Variants in SPATS2 observed in about 807,000 individuals in gnomAD.
The protein encoded by SPATS2 is spermatogenesis associated serine rich 2.
Under a neutral mutation model 63.7 loss-of-function variants are expected in SPATS2, and 38 were observed. That is an observed-to-expected ratio of 0.60 (90% CI 0.46 to 0.78). The LOEUF (loss-of-function observed/expected upper bound fraction) is 0.78, where lower values mean the gene tolerates loss of function less well. Among genes scored for constraint, SPATS2 ranks in the 30% least tolerant of loss-of-function variants. SPATS2 has a pLI of 0.00. For missense variants in SPATS2, 588 were observed against 666.2 expected (o/e 0.88, Z 1.29); for synonymous variants, 207 against 232.9 (o/e 0.89, Z 1.01).
intron 9 of SPATS2, among the ~76,000 whole-genome samples, chr12:49,509,802 G>GC (rs1417800216): frequency 1.5e-5 from 2 of 137,290 alleles, no homozygotes; most frequent in South Asian, 4.6e-4. Flanking sequence ...GGGCAACAGA[G>GC]CAAGTCTCAA....
chr12:49,469,542 TAAAAAAAAAAAA>T (rs748722366), intron 3 of SPATS2: 3 of 319,704 alleles, frequency 9.4e-6, no homozygotes, highest in Admixed American at 4.3e-5. Flanking sequence ...GCTGGGTCTC[TAAAAAAAAAAAA>T]AAAAAAAAAA....
intron 3 of SPATS2, chr12:49,462,689 G>A: frequency 1.8e-6 from 1 of 561,530 alleles, no homozygotes. Flanking sequence ...AGGAAGGGGA[G>A]CTGAAAAGGG....
intron 3 of SPATS2, among the ~76,000 whole-genome samples, chr12:49,481,818 C>T (rs957280041): frequency 6.6e-6 from 1 of 151,902 alleles, no homozygotes; most frequent in Non-Finnish European, 1.5e-5. Context: ...TTTACCTGAA[C>T]ACCCAGGATT....
At chr12:49,423,276 G>A (rs971828654) in intron 2 of SPATS2, among the ~76,000 whole-genome samples, 2 of 151,902 alleles carry the variant, frequency 1.3e-5, no homozygotes, top group African/African-American at 4.8e-5. Context: ...AGGACTACAG[G>A]CACGCACCAC....
At chr12:49,412,429 T>C (rs1014609208) in intron 2 of SPATS2, among the ~76,000 whole-genome samples, 1 of 152,074 alleles carries the variant, frequency 6.6e-6, no homozygotes, top group Non-Finnish European at 1.5e-5. Context: ...TCCTGACTCC[T>C]GACCTCGGGT....
chr12:49,383,274 C>T (rs568502024), intron 2 of SPATS2, among the ~76,000 whole-genome samples: 1 of 152,166 alleles, frequency 6.6e-6, no homozygotes, highest in Non-Finnish European at 1.5e-5. Context: ...CTGCCTCGGC[C>T]TCTCAAAGTG....
intron 2 of SPATS2, among the ~76,000 whole-genome samples, chr12:49,428,087 C>T (rs12815202): frequency 1.3e-5 from 2 of 152,006 alleles, no homozygotes; most frequent in African/African-American, 4.8e-5. Flanking sequence ...AACCCCGTCT[C>T]TACTAAAAAT....
intron 2 of SPATS2, among the ~76,000 whole-genome samples, chr12:49,404,615 A>G (rs1375689737): frequency 6.6e-6 from 1 of 152,164 alleles, no homozygotes; most frequent in Non-Finnish European, 1.5e-5. Flanking sequence ...TTGAAAGATG[A>G]GCAGAAATTA....
chr12:49,521,437 C>G (rs1946939734), intron 11 of SPATS2, among the ~76,000 whole-genome samples: 1 of 152,006 alleles, frequency 6.6e-6, no homozygotes, highest in African/African-American at 2.4e-5. Flanking sequence ...TTAACTAAAA[C>G]TATATGATTA....
intron 2 of SPATS2, among the ~76,000 whole-genome samples, chr12:49,406,170 A>C (rs1236667386): frequency 6.6e-6 from 1 of 152,194 alleles, no homozygotes; most frequent in African/African-American, 2.4e-5. Flanking sequence ...AGGCTGAGGC[A>C]GGAGGATAGC....
At chr12:49,438,428 T>C (rs1469559786) in intron 2 of SPATS2, among the ~76,000 whole-genome samples, 2 of 152,240 alleles carry the variant, frequency 1.3e-5, no homozygotes, top group African/African-American at 2.4e-5. Flanking sequence ...TATGTACTTA[T>C]TTCTTTTGGG....
rs1476326766 is a variant in SPATS2 at position 49,433,741 on chromosome 12, A to G, written c.-243-27029A>G. On this transcript the variant is annotated intron_variant, in intron 2 of 13. Transcript: ENST00000552918. ...ACTTGCAAGTATTTTCTGCCATTTC[A>G]TTGGTTGCCTTTTTACTTCATTGAT... Among the ~76,000 whole-genome samples, 8 of 152,156 alleles carry G rather than the reference A, an allele frequency of 5.3e-5. No homozygotes were observed. The South Asian group carries it at 1.0e-3, about 20-fold the overall frequency.
intron 3 of SPATS2, among the ~76,000 whole-genome samples, chr12:49,465,553 A>T (rs1945897679): frequency 6.6e-6 from 1 of 152,170 alleles, no homozygotes; most frequent in Non-Finnish European, 1.5e-5. Flanking sequence ...GAGTCTTATT[A>T]TCGAATTCTA....
chr12:49,437,740 A>G (rs1159724935), intron 2 of SPATS2, among the ~76,000 whole-genome samples: 1 of 151,806 alleles, frequency 6.6e-6, no homozygotes, highest in Non-Finnish European at 1.5e-5. Context: ...GAGGCAGGAG[A>G]ATCAGGCAGG....
intron 9 of SPATS2, among the ~76,000 whole-genome samples, chr12:49,503,366 A>AG (rs1307470596): frequency 9.6e-5 from 14 of 145,338 alleles, no homozygotes; most frequent in Non-Finnish European, 1.1e-4. Flanking sequence ...CAAAGAAAAA[A>AG]GAGCTGGGCG....
chr12:49,461,325 G>T (rs1430324188), intron 3 of SPATS2: 2 of 316,612 alleles, frequency 6.3e-6, no homozygotes, highest in Non-Finnish European at 1.1e-5. Flanking sequence ...CTAGCTTGCT[G>T]CAGGATATTC....
intron 3 of SPATS2, among the ~76,000 whole-genome samples, chr12:49,479,033 G>C (rs553509234): frequency 6.6e-6 from 1 of 152,120 alleles, no homozygotes; most frequent in Non-Finnish European, 1.5e-5. Flanking sequence ...CCAGCAGGTC[G>C]TCCCATTGTC....
intron 3 of SPATS2, 74 bp from the exon 4 acceptor site, chr12:49,484,516 A>C: frequency 7.0e-7 from 1 of 1,425,326 alleles, no homozygotes; most frequent in Non-Finnish European, 9.7e-7. Context: ...GAAAGCAGCC[A>C]GTCTTGGCCC....
intron 2 of SPATS2, among the ~76,000 whole-genome samples, chr12:49,432,203 C>G (rs11169014): frequency 0.35 from 52,615 of 151,810 alleles, 12,746 homozygotes; most frequent in African/African-American, 0.69. Flanking sequence ...GCTGGGCGTG[C>G]TGGCTTATGC....
Sources: gnomAD v4.1 joint callset for allele counts (sites outside exome capture counted in the v4.1 genomes callset) on GRCh38, gnomAD v4.1.1 for gene constraint, MANE v1.5 for transcripts, NCBI Gene and HGNC (gene_info 2026-07-23, HGNC 2026-07-21) for gene names.